TAOK1: variants seen among roughly 807,000 people sequenced by gnomAD.
TAOK1 encodes the protein serine/threonine-protein kinase TAO1.
A neutral mutation model predicts 138.3 loss-of-function variants in TAOK1; 21 were observed. That is an observed-to-expected ratio of 0.15 (90% CI 0.11 to 0.22). TAOK1 has a LOEUF of 0.22. Among genes scored for constraint, TAOK1 ranks in the 10% least tolerant of loss-of-function variants. The pLI is 1.00. For missense variants in TAOK1, 651 were observed against 1,227.7 expected, an observed-to-expected ratio of 0.53 and a Z score of 7.02; for synonymous variants, 361 against 398.4, an observed-to-expected ratio of 0.91 and a Z score of 1.12.
intron 16 of TAOK1, among the ~76,000 whole-genome samples, chr17:29,521,607 G>A (rs1281172746): frequency 6.6e-6 from 1 of 152,180 alleles, no homozygotes; most frequent in Non-Finnish European, 1.5e-5. Context: ...TTTTGAGAGG[G>A]AGTCTCGCTC....
At chr17:29,492,675 C>T (rs2031320141) in intron 10 of TAOK1, among the ~76,000 whole-genome samples, 3 of 152,090 alleles carry the variant, frequency 2.0e-5, no homozygotes, top group African/African-American at 7.2e-5. Context: ...GCCTGTAGTC[C>T]CAGCTACTCG....
intron 1 of TAOK1, among the ~76,000 whole-genome samples, chr17:29,448,737 AT>A (rs2153024008): frequency 6.6e-6 from 1 of 152,248 alleles, no homozygotes; most frequent in East Asian, 1.9e-4. Context: ...TGGAAGTGAA[AT>A]CATTTTTAGG....
intron 1 of TAOK1, among the ~76,000 whole-genome samples, chr17:29,397,753 G>A (rs546220554): frequency 3.5e-4 from 41 of 118,094 alleles, no homozygotes; most frequent in South Asian, 1.7e-3. Context: ...ATATATACAC[G>A]TATGTATATA....
intron 12 of TAOK1, among the ~76,000 whole-genome samples, chr17:29,499,581 C>T (rs1369027158): frequency 3.3e-5 from 4 of 120,200 alleles, no homozygotes; most frequent in African/African-American, 1.3e-4. Context: ...TTTTTTGAGA[C>T]AGAGTTTTGC....
At chr17:29,490,542 C>T (rs1257504248) in intron 9 of TAOK1, among the ~76,000 whole-genome samples, 1 of 152,116 alleles carries the variant, frequency 6.6e-6, no homozygotes, top group Non-Finnish European at 1.5e-5. Context: ...GTCTTTGCCA[C>T]TTAAGAATGT....
intron 3 of TAOK1, among the ~76,000 whole-genome samples, chr17:29,472,286 C>A (rs1266164641): frequency 4.4e-5 from 6 of 135,240 alleles, no homozygotes; most frequent in African/African-American, 1.7e-4. Flanking sequence ...GGAGTTCATT[C>A]TTGTCGCCCA....
At chr17:29,443,226 G>A (rs758215139) in intron 1 of TAOK1, among the ~76,000 whole-genome samples, 1 of 152,084 alleles carries the variant, frequency 6.6e-6, no homozygotes, top group Non-Finnish European at 1.5e-5. Flanking sequence ...AAAATCTGAA[G>A]GTTCTTAAAA....
intron 1 of TAOK1, among the ~76,000 whole-genome samples, chr17:29,446,391 A>G (rs1480077782): frequency 6.6e-6 from 1 of 151,956 alleles, no homozygotes; most frequent in African/African-American, 2.4e-5. Context: ...ACAGGTGTGC[A>G]CTACCACGCC....
At chr17:29,494,825 CAAAAAAAAAAAAA>C (rs368548444) in intron 10 of TAOK1, among the ~76,000 whole-genome samples, 1 of 48,314 alleles carries the variant, frequency 2.1e-5, no homozygotes, top group Admixed American at 2.1e-4. Context: ...GACTCCGTCT[CAAAAAAAAAAAAA>C]AAAAAAAAAA....
intron 1 of TAOK1, among the ~76,000 whole-genome samples, chr17:29,406,442 A>C (rs757079316): frequency 6.6e-6 from 1 of 152,160 alleles, no homozygotes; most frequent in Non-Finnish European, 1.5e-5. Flanking sequence ...TACTGATCAT[A>C]TGTGGCTATA....
intron 8 of TAOK1, among the ~76,000 whole-genome samples, chr17:29,485,058 A>T (rs2031141475): frequency 6.6e-6 from 1 of 152,200 alleles, no homozygotes; most frequent in African/African-American, 2.4e-5. Context: ...CTTGATAAAC[A>T]TAGTTGTGAA....
intron 19 of TAOK1, 86 bp downstream of exon 19, chr17:29,534,386 G>A (rs2150774882): frequency 8.0e-7 from 1 of 1,246,372 alleles, no homozygotes; most frequent in Non-Finnish European, 1.1e-6. Context: ...GTTGGCAGAG[G>A]TCACATTAGA....
At chr17:29,420,072 T>C (rs1905383956) in intron 1 of TAOK1, among the ~76,000 whole-genome samples, 1 of 150,640 alleles carries the variant, frequency 6.6e-6, no homozygotes, top group African/African-American at 2.4e-5. Flanking sequence ...TGAGATAGGG[T>C]CTCACTTTGT....
Position 29,517,591 on chromosome 17 carries a change from T to A in TAOK1, c.1843T>A (p.Cys615Ser). Residue 615 changes from cysteine to serine, a missense_variant, in exon 16 of 20, where the codon TGC (cysteine) becomes AGC (serine). By Grantham distance (112) the Cys-to-Ser change is moderately radical. This residue lies in a region of TAOK1 where 258 missense variants were observed against 548.9 expected (regional missense o/e 0.47). Coordinates refer to ENST00000261716, the MANE Select transcript of TAOK1 (RefSeq NM_020791.4). ...TCAAAGACAATACCTAGAGCTGGAA[T>A]GCCGTCGCTTCAAGAGAAGAATGTT... ...RRQRQYLELE[C>S]RRFKRRMLLG... 6.2e-7 allele frequency: 1 copy of A among 1,613,862 alleles called. No individual in the cohort carries two copies. Among genetic ancestry groups the A allele is most frequent in the Non-Finnish European group, 8.5e-7 (1 of 1,180,026 alleles).
chr17:29,450,312 C>T (rs920779034), intron 1 of TAOK1, among the ~76,000 whole-genome samples: 1 of 152,118 alleles, frequency 6.6e-6, no homozygotes. Flanking sequence ...GTCTCAAGCT[C>T]CTGGCCGCAA....
intron 1 of TAOK1, among the ~76,000 whole-genome samples, chr17:29,443,606 G>A (rs2030002183): frequency 1.3e-5 from 2 of 152,102 alleles, no homozygotes; most frequent in Non-Finnish European, 1.5e-5. Context: ...GTGGAACCAG[G>A]AATAAATTAG....
intron 1 of TAOK1, among the ~76,000 whole-genome samples, chr17:29,412,232 G>A (rs1209124661): frequency 1.3e-5 from 2 of 152,050 alleles, no homozygotes; most frequent in African/African-American, 2.4e-5. Flanking sequence ...TAGTAAAGAC[G>A]GGGTTTCACC....
At chr17:29,399,489 G>C (rs1904771693) in intron 1 of TAOK1, among the ~76,000 whole-genome samples, 1 of 151,658 alleles carries the variant, frequency 6.6e-6, no homozygotes, top group Non-Finnish European at 1.5e-5. Context: ...CTAAATTTTT[G>C]TATTTTTATT....
chr17:29,412,899 G>A (rs1225480498), intron 1 of TAOK1, among the ~76,000 whole-genome samples: 1 of 152,194 alleles, frequency 6.6e-6, no homozygotes, highest in Non-Finnish European at 1.5e-5. Context: ...AGTCTTGCAC[G>A]GGAATTGCAC....
Sources: gnomAD v4.1 joint callset for allele counts (sites outside exome capture counted in the v4.1 genomes callset) on GRCh38, gnomAD v4.1.1 for gene constraint, gnomAD v4.1.1 regional missense constraint, MANE v1.5 for transcripts, NCBI Gene and HGNC (gene_info 2026-07-23, HGNC 2026-07-21) for gene names.